Variants in ERC2 observed in about 807,000 individuals in gnomAD.
ERC2 encodes the protein ELKS/RAB6-interacting/CAST family member 2, also known as ERC protein 2.
A neutral mutation model predicts 114.8 loss-of-function variants in ERC2; 42 were observed. That is an observed-to-expected ratio of 0.37 (90% CI 0.29 to 0.47). ERC2 has a LOEUF of 0.47. Ranked by LOEUF, ERC2 falls within the 20% of genes least tolerant of loss-of-function variation. ERC2 has a pLI of 0.99. For missense variants in ERC2, 939 were observed against 1,150.7 expected, an observed-to-expected ratio of 0.82 and a Z score of 2.66; for synonymous variants, 454 against 425.5, an observed-to-expected ratio of 1.07 and a Z score of -0.82.
At chr3:55,523,370 G>A (rs2053092188) in intron 17 of ERC2, among the ~76,000 whole-genome samples, 1 of 152,206 alleles carries the variant, frequency 6.6e-6, no homozygotes, top group Non-Finnish European at 1.5e-5. Context: ...ACTGCTGGAG[G>A]AGGCACATGG....
In ERC2 at chr3:55,982,228, G is replaced by A. The variant is rs540439819; in HGVS notation, c.2267+3749C>T. Among the ~76,000 whole-genome samples the A allele has an allele frequency of 2.6e-5, 4 of 152,210 alleles. No individual in the cohort carries two copies. The South Asian group carries it at 8.3e-4, about 32-fold the overall frequency. On this transcript the variant is annotated intron_variant, in intron 12 of 17. Coordinates refer to ENST00000288221, the MANE Select transcript of ERC2 (RefSeq NM_015576.3). ...CCGAGGATTGAACAGAACTGCACAG[G>A]TTTCCTTACTGCAGACCTTCTCAGT...
intron 2 of ERC2, among the ~76,000 whole-genome samples, chr3:56,378,978 T>C (rs1314648088): frequency 1.3e-5 from 2 of 152,210 alleles, no homozygotes; most frequent in East Asian, 1.9e-4. Context: ...AACAAATAGG[T>C]GAAATCCATT....
At chr3:55,554,189 T>C (rs1160513717) in intron 17 of ERC2, among the ~76,000 whole-genome samples, 1 of 152,074 alleles carries the variant, frequency 6.6e-6, no homozygotes, top group Non-Finnish European at 1.5e-5. Flanking sequence ...TTACCATCCA[T>C]GAAGGCAAGC....
chr3:55,516,103 C>A (rs190158661), intron 17 of ERC2, among the ~76,000 whole-genome samples: 8 of 152,286 alleles, frequency 5.3e-5, no homozygotes, highest in African/African-American at 1.9e-4. Context: ...GTGGTGCCCA[C>A]ATAAAAGGCA....
intron 14 of ERC2, among the ~76,000 whole-genome samples, chr3:55,773,043 C>T (rs2362852): frequency 0.49 from 74,052 of 152,086 alleles, 21,605 homozygotes; most frequent in East Asian, 0.62. Context: ...CTTCTTTTCT[C>T]AACACAGTAG....
At chr3:56,210,307 G>A (rs1171511790) in intron 3 of ERC2, among the ~76,000 whole-genome samples, 1 of 152,136 alleles carries the variant, frequency 6.6e-6, no homozygotes, top group African/African-American at 2.4e-5. Context: ...GAAGGGAACA[G>A]GCCAAAAATG....
intron 13 of ERC2, among the ~76,000 whole-genome samples, chr3:55,923,076 A>G (rs2065527603): frequency 6.6e-6 from 1 of 152,174 alleles, no homozygotes; most frequent in Non-Finnish European, 1.5e-5. Flanking sequence ...AGATATGTAT[A>G]TATCACTGTT....
intron 6 of ERC2, among the ~76,000 whole-genome samples, chr3:56,119,166 T>C (rs2079431868): frequency 6.6e-6 from 1 of 152,226 alleles, no homozygotes; most frequent in African/African-American, 2.4e-5. Flanking sequence ...CCATAGTTTG[T>C]TGACCTCTGC....
chr3:55,540,251 CTG>C (rs971961570), intron 17 of ERC2, among the ~76,000 whole-genome samples: 12 of 152,144 alleles, frequency 7.9e-5, no homozygotes, highest in Non-Finnish European at 1.8e-4. Context: ...CTTTAAAAGA[CTG>C]TGATTTTTAA....
chr3:55,535,082 G>A (rs2053915560), intron 17 of ERC2, among the ~76,000 whole-genome samples: 1 of 152,152 alleles, frequency 6.6e-6, no homozygotes, highest in Non-Finnish European at 1.5e-5. Context: ...ACTCATCCCA[G>A]GTGTATCCAG....
intron 2 of ERC2, among the ~76,000 whole-genome samples, chr3:56,331,806 A>G: frequency 6.6e-6 from 1 of 152,040 alleles, no homozygotes; most frequent in Admixed American, 6.5e-5. Flanking sequence ...GAGCCACTGA[A>G]GTTTGGTCCA....
At chr3:56,033,296 T>C (rs1399848646) in intron 7 of ERC2, among the ~76,000 whole-genome samples, 3 of 152,140 alleles carry the variant, frequency 2.0e-5, no homozygotes, top group Non-Finnish European at 4.4e-5. Context: ...TAACAAACTA[T>C]TGTAGCTATA....
Position 56,286,231 on chromosome 3 carries a change from T to C in ERC2, c.1074+9788A>G, listed in dbSNP as rs981248936. Among the ~76,000 whole-genome samples the C allele has an allele frequency of 2.6e-5, 4 of 152,044 alleles. No homozygotes were observed. The South Asian group carries it at 6.3e-4, about 24-fold the overall frequency. On this transcript the variant is annotated intron_variant, in intron 3 of 17. Transcript: ENST00000288221. ...GAGTTTGAGACCAGCCTGACCAACA[T>C]GGAGAAACCTCGTCTCTACCAAAAA...
intron 14 of ERC2, among the ~76,000 whole-genome samples, chr3:55,863,617 C>T (rs556118184): frequency 6.6e-6 from 1 of 152,032 alleles, no homozygotes; most frequent in East Asian, 1.9e-4. Flanking sequence ...CAAAAAAGTA[C>T]ACCAAAAAGA....
At chr3:55,707,732 T>C (rs2148846916) in intron 15 of ERC2, among the ~76,000 whole-genome samples, 1 of 152,330 alleles carries the variant, frequency 6.6e-6, no homozygotes, top group Non-Finnish European at 1.5e-5. Flanking sequence ...ATTAAGTCAG[T>C]CTGACATCAA....
At chr3:55,800,433 C>T (rs564308763) in intron 14 of ERC2, among the ~76,000 whole-genome samples, 28 of 152,210 alleles carry the variant, frequency 1.8e-4, no homozygotes, top group African/African-American at 5.3e-4. Context: ...TGAGCCACCG[C>T]GCCTAGCCGG....
At chr3:55,942,588 C>T (rs1255992084) in intron 13 of ERC2, among the ~76,000 whole-genome samples, 1 of 151,794 alleles carries the variant, frequency 6.6e-6, no homozygotes, top group Admixed American at 6.6e-5. Flanking sequence ...TGAGCCACCG[C>T]GCCCGGCCCG....
At chr3:56,305,756 C>T (rs546034784) in intron 2 of ERC2, among the ~76,000 whole-genome samples, 9 of 152,368 alleles carry the variant, frequency 5.9e-5, no homozygotes, top group East Asian at 1.9e-4. Context: ...TGGCAAACTA[C>T]GGCCTAAGGG....
intron 13 of ERC2, among the ~76,000 whole-genome samples, chr3:55,911,759 C>T: frequency 6.6e-6 from 1 of 152,142 alleles, no homozygotes; most frequent in East Asian, 1.9e-4. Context: ...CTAACACCTC[C>T]ACAAAATAAA....
Sources: allele counts gnomAD v4.1 joint callset (sites outside exome capture counted in the v4.1 genomes callset), GRCh38; gene constraint gnomAD v4.1.1; transcripts MANE v1.5; gene names NCBI Gene and HGNC (gene_info 2026-07-23, HGNC 2026-07-21).